MPDZ: variants seen among roughly 807,000 people sequenced by gnomAD.
MPDZ encodes the protein multiple PDZ domain protein.
A neutral mutation model predicts 239.1 loss-of-function variants in MPDZ; 234 were observed. The ratio of observed to expected loss-of-function variants is 0.98; its 90% CI spans 0.88 to 1.09. The LOEUF (loss-of-function observed/expected upper bound fraction) is 1.09. Among genes scored for constraint, MPDZ ranks in the 50% least tolerant of loss-of-function variants. The pLI, the probability that MPDZ is intolerant of heterozygous loss-of-function variation, is 0.00. For missense variants in MPDZ, 3,175 were observed against 2,510.0 expected (o/e 1.26, Z -5.66); for synonymous variants, 1,048 against 881.3 (o/e 1.19, Z -3.35).
intron 3 of MPDZ, among the ~76,000 whole-genome samples, chr9:13,230,151 C>A (rs1435797589): frequency 6.6e-6 from 1 of 152,068 alleles, no homozygotes; most frequent in Non-Finnish European, 1.5e-5. Flanking sequence ...CACTGCGTAC[C>A]TATCAGAATG....
At chr9:13,248,992 A>AAAAAAAAAAAAAAG (rs1967115528) in intron 2 of MPDZ, among the ~76,000 whole-genome samples, 1 of 141,572 alleles carries the variant, frequency 7.1e-6, no homozygotes, top group Non-Finnish European at 1.5e-5. Context: ...AAAAAAAAAA[A>AAAAAAAAAAAAAAG]AAAAAAAAAA....
chr9:13,272,817 G>T (rs1037109535), intron 1 of MPDZ, among the ~76,000 whole-genome samples: 1 of 151,854 alleles, frequency 6.6e-6, no homozygotes, highest in African/African-American at 2.4e-5. Context: ...GTGAGAAGCC[G>T]AGGAGGAAAT....
rs770633508 is a variant in MPDZ at position 13,183,603 on chromosome 9, A to G, written c.2482-18T>C. On this transcript the variant is annotated intron_variant, in intron 18 of 46. Transcript: ENST00000319217. ...GTGCCCACCTAGAAACAAAACAATAATATCAGTTGGGAATTCTGTTCTATT... is the reference window on the plus strand; with the variant it reads ...GTGCCCACCTAGAAACAAAACAATAGTATCAGTTGGGAATTCTGTTCTATT... 2.5e-6 allele frequency: 4 copies of G among 1,609,240 alleles called. No individual in the cohort carries two copies. The highest frequency in any genetic ancestry group is 2.5e-6 in the Non-Finnish European group (3 of 1,177,772).
rs1944014655 is a variant in MPDZ at position 13,119,531 on chromosome 9, T to C, written c.5350A>G (p.Thr1784Ala). The C allele has an allele frequency of 6.2e-7, 1 of 1,612,994 alleles. No individual in the cohort carries two copies. The highest frequency in any genetic ancestry group is 1.3e-5 in the African/African-American group (1 of 74,924). Residue 1784 changes from threonine to alanine, a missense_variant, in exon 39 of 47, where the codon ACC becomes GCC. By Grantham distance (58) the Thr-to-Ala change is moderately conservative. Coordinates refer to ENST00000319217, the MANE Select transcript of MPDZ (RefSeq NM_001378778.1). ...AGCAAAGCGGCAACCGCTTCTTGGG[T>C]GGCATTACGAACGTCTTCCCCATTC... is the stretch of plus-strand genomic sequence containing the variant. ...MVNGEDVRNA[T>A]QEAVAALLKC...
intron 1 of MPDZ, among the ~76,000 whole-genome samples, chr9:13,262,837 AG>A (rs1970993454): frequency 6.6e-6 from 1 of 152,066 alleles, no homozygotes; most frequent in Non-Finnish European, 1.5e-5. Context: ...CAGAATAAGT[AG>A]TTTATTTATA....
intron 3 of MPDZ, among the ~76,000 whole-genome samples, chr9:13,237,341 G>A (rs1322925684): frequency 6.6e-6 from 1 of 150,704 alleles, no homozygotes; most frequent in Non-Finnish European, 1.5e-5. Flanking sequence ...AGAGGCTGAG[G>A]TTGGAGGGTC....
intron 13 of MPDZ, among the ~76,000 whole-genome samples, chr9:13,194,103 A>G (rs1303784763): frequency 1.3e-5 from 2 of 152,192 alleles, no homozygotes; most frequent in Non-Finnish European, 2.9e-5. Flanking sequence ...AATGTCCATT[A>G]GTCAGTCCTG....
chr9:13,146,586 A>C (rs1948463783), intron 26 of MPDZ, among the ~76,000 whole-genome samples: 1 of 152,042 alleles, frequency 6.6e-6, no homozygotes, highest in Admixed American at 6.6e-5. Flanking sequence ...ATTCAAAGAG[A>C]ATCACTATGA....
chr9:13,234,224 A>C (rs577676940), intron 3 of MPDZ, among the ~76,000 whole-genome samples: 51 of 152,210 alleles, frequency 3.4e-4, no homozygotes, highest in African/African-American at 1.2e-3. Flanking sequence ...TTGACCATAT[A>C]ACAATATGAT....
At chr9:13,238,648 C>G (rs996867641) in intron 3 of MPDZ, among the ~76,000 whole-genome samples, 1 of 152,118 alleles carries the variant, frequency 6.6e-6, no homozygotes, top group African/African-American at 2.4e-5. Flanking sequence ...AACAGTGCAA[C>G]TAAACTTTAA....
chr9:13,200,154 A>T (rs1230031922), intron 12 of MPDZ, among the ~76,000 whole-genome samples: 1 of 151,780 alleles, frequency 6.6e-6, no homozygotes, highest in Non-Finnish European at 1.5e-5. Flanking sequence ...CTATTTCTTC[A>T]TGGTTTAATC....
rs181108000 is a variant in MPDZ at position 13,129,231 on chromosome 9, G to A, written c.4465-2459C>T. Among the ~76,000 whole-genome samples the A allele has an allele frequency of 3.7e-3, 565 of 152,206 alleles. 2 individuals carry two copies. The highest frequency in any genetic ancestry group is 0.013 in the African/African-American group (527 of 41,542). Reference sequence around the variant, plus strand: ...TAATCCCAGCACTTTGGGAGGCTGAGGCAGGTGGATCACCTGAGGTCAGGA... The same window carrying A: ...TAATCCCAGCACTTTGGGAGGCTGAAGCAGGTGGATCACCTGAGGTCAGGA... On this transcript the variant is annotated intron_variant, in intron 32 of 46. Coordinates refer to ENST00000319217, the MANE Select transcript of MPDZ (RefSeq NM_001378778.1).
chr9:13,169,412 T>C (rs1951502606), intron 21 of MPDZ, among the ~76,000 whole-genome samples: 1 of 152,054 alleles, frequency 6.6e-6, no homozygotes, highest in African/African-American at 2.4e-5. Flanking sequence ...AATACCGGGG[T>C]CTTTCTTGAT....
At chr9:13,208,480 A>G (rs1423984629) in intron 10 of MPDZ, among the ~76,000 whole-genome samples, 3 of 151,628 alleles carry the variant, frequency 2.0e-5, no homozygotes, top group African/African-American at 7.3e-5. Flanking sequence ...AAAAAGACCT[A>G]GATCAGTTGT....
intron 21 of MPDZ, among the ~76,000 whole-genome samples, chr9:13,173,140 T>A (rs1013999224): frequency 3.1e-4 from 47 of 152,316 alleles, no homozygotes; most frequent in Non-Finnish European, 4.4e-5. Context: ...AATAATTGTT[T>A]AATGGATACA....
In MPDZ at chr9:13,192,120, A is replaced by C; in HGVS notation, c.1968+11T>G. 1 of 1,581,622 alleles carries C rather than the reference A, an allele frequency of 6.3e-7. No homozygotes were observed. Among genetic ancestry groups the C allele is most frequent in the South Asian group, 1.2e-5 (1 of 83,768 alleles). On this transcript the variant is annotated intron_variant, in intron 15 of 46. Transcript: ENST00000319217. ...ATATGTAGGTTAGCCTCATGTATGCAAATCTGATACCTTTTCTGTTAGCTC... is the reference window on the plus strand; with the variant it reads ...ATATGTAGGTTAGCCTCATGTATGCCAATCTGATACCTTTTCTGTTAGCTC...
chr9:13,223,890 TAAG>T (rs1190951361), intron 4 of MPDZ, among the ~76,000 whole-genome samples, 180 bp from the exon 5 acceptor site: 5 of 151,776 alleles, frequency 3.3e-5, no homozygotes, highest in Admixed American at 2.6e-4. Flanking sequence ...TAAAACTTAG[TAAG>T]TGTGGTGGCA....
At chr9:13,203,773 CAG>C (rs1239287444) in intron 12 of MPDZ, among the ~76,000 whole-genome samples, 44 of 125,740 alleles carry the variant, frequency 3.5e-4, no homozygotes, top group African/African-American at 1.2e-3. Flanking sequence ...CACACACACA[CAG>C]AGAGAGAAAG....
chr9:13,222,885 T>A (rs574057867), intron 5 of MPDZ, among the ~76,000 whole-genome samples: 11 of 150,712 alleles, frequency 7.3e-5, no homozygotes, highest in Non-Finnish European at 1.5e-4. Context: ...GGGGATCACA[T>A]CCATAGATTA....
Sources: allele counts gnomAD v4.1 joint callset (sites outside exome capture counted in the v4.1 genomes callset), GRCh38; gene constraint gnomAD v4.1.1; transcripts MANE v1.5; gene names NCBI Gene and HGNC (gene_info 2026-07-23, HGNC 2026-07-21).